Variants in AZIN1 observed in about 807,000 individuals in gnomAD.
AZIN1 encodes ornithine decarboxylase antizyme inhibitor.
Under a neutral mutation model 47.4 loss-of-function variants are expected in AZIN1, and 12 were observed. The ratio of observed to expected loss-of-function variants is 0.25; its 90% CI spans 0.16 to 0.41. AZIN1 has a LOEUF of 0.41. Ranked by LOEUF, AZIN1 falls within the 10% of genes least tolerant of loss-of-function variation. The probability of loss-of-function intolerance (pLI) is 1.00; values close to 1 mark genes in which losing one functional copy is unlikely to be tolerated. For missense variants in AZIN1, 410 were observed against 532.4 expected, an observed-to-expected ratio of 0.77 and a Z score of 2.26; for synonymous variants, 155 against 176.3, an observed-to-expected ratio of 0.88 and a Z score of 0.96.
intron 9 of AZIN1, 22 bp from the exon 10 acceptor site, chr8:102,829,958 G>A: frequency 6.9e-7 from 1 of 1,453,416 alleles, no homozygotes; most frequent in Non-Finnish European, 9.5e-7. Context: ...CAGGAAAGGG[G>A]AAAATGAATT....
Position 102,830,548 on chromosome 8 carries a change from C to G in AZIN1, c.905-612G>C, listed in dbSNP as rs998799576. Among the ~76,000 whole-genome samples, 9 of 148,950 alleles carry G rather than the reference C, an allele frequency of 6.0e-5. 1 individual carries two copies. The highest frequency in any genetic ancestry group is 1.0e-4 in the Non-Finnish European group (7 of 67,584). On this transcript the variant is annotated intron_variant, in intron 9 of 11. Coordinates refer to ENST00000337198, the MANE Select transcript of AZIN1 (RefSeq NM_148174.4). ...CAGCAAGGGGAAGGCAATATATGCACAAGGAGTTAAATATGTGTTTGAATG... is the reference window on the plus strand; with the variant it reads ...CAGCAAGGGGAAGGCAATATATGCAGAAGGAGTTAAATATGTGTTTGAATG...
rs764483089 is a variant in AZIN1, at chr8:102,838,762, C to T, written c.431G>A (p.Arg144His). The stretch of plus-strand genomic sequence containing the variant: ...TACTTACTTGGCATTTGGGTGATTA[C>T]GTGCAATTTTCTTCAATTCAATTTC... ...DNEIELKKIA[R>H]NHPNAKVLLH... The change falls in exon 5 of 12, where the codon CGT (arginine) becomes CAT (histidine). Residue 144 changes from arginine (R) to histidine (H), a missense_variant. Around this residue, in one of 3 missense-constraint regions of AZIN1, gnomAD observed 237 missense variants for 309.4 expected, o/e 0.77. Coordinates refer to ENST00000337198, the MANE Select transcript of AZIN1 (RefSeq NM_148174.4). 6.2e-6 allele frequency: 10 copies of T among 1,612,038 alleles called. No homozygotes were observed. The highest frequency in any genetic ancestry group is 1.1e-5 in the South Asian group (1 of 90,538).
At chr8:102,839,414 A>G (rs1812031870) in intron 4 of AZIN1, among the ~76,000 whole-genome samples, 1 of 152,232 alleles carries the variant, frequency 6.6e-6, no homozygotes, top group Non-Finnish European at 1.5e-5. Context: ...GGAACAAATT[A>G]AAGTTTTCAA....
Position 102,827,865 on chromosome 8 carries a change from T to C in AZIN1, c.*702A>G, listed in dbSNP as rs1461274870. Reference sequence around the variant, plus strand: ...TTACTTAAATTACTAATTAAATAAATGAAAAATGCACCGAGCCAAACAAAA... The same window carrying C: ...TTACTTAAATTACTAATTAAATAAACGAAAAATGCACCGAGCCAAACAAAA... On this transcript the variant is annotated 3_prime_UTR_variant, in exon 12 of 12. Transcript: ENST00000337198. The C allele has an allele frequency of 6.6e-6, 1 of 152,426 alleles. No individual in the cohort carries two copies. Among genetic ancestry groups the C allele is most frequent in the Non-Finnish European group, 1.5e-5 (1 of 67,980 alleles). 9.4% of individuals were successfully genotyped at this position (152,426 alleles called of 1,614,324 possible).
intron 7 of AZIN1, 99 bp from the exon 8 acceptor site, chr8:102,834,362 A>G: frequency 1.1e-6 from 1 of 940,164 alleles, no homozygotes; most frequent in African/African-American, 1.7e-5. Context: ...ATCTGTTCTG[A>G]TCTTTAGTAC....
chr8:102,856,807 C>T (rs1387976745), intron 2 of AZIN1, among the ~76,000 whole-genome samples: 1 of 152,158 alleles, frequency 6.6e-6, no homozygotes, highest in Non-Finnish European at 1.5e-5. Context: ...AGTATTGAAA[C>T]AGCAATGACC....
At chr8:102,847,858 G>A (rs1677593904) in intron 2 of AZIN1, among the ~76,000 whole-genome samples, 2 of 152,124 alleles carry the variant, frequency 1.3e-5, no homozygotes, top group Non-Finnish European at 2.9e-5. Flanking sequence ...GCCTCCCAAA[G>A]TGTTGCAATT....
intron 8 of AZIN1, among the ~76,000 whole-genome samples, chr8:102,833,472 GT>G (rs3214632): frequency 4.1e-4 from 61 of 150,270 alleles, no homozygotes; most frequent in Non-Finnish European, 7.5e-4. Context: ...ATTTGTTTTT[GT>G]TTTTTTTTAA....
At chr8:102,863,646 CGGG>C (rs1349036678) in intron 1 of AZIN1, among the ~76,000 whole-genome samples, 158 bp downstream of exon 1, 1 of 144,340 alleles carries the variant, frequency 6.9e-6, no homozygotes, top group Non-Finnish European at 1.5e-5. Flanking sequence ...CCGCCGCCGC[CGGG>C]GGCACAGACA....
intron 8 of AZIN1, among the ~76,000 whole-genome samples, chr8:102,833,737 A>G (rs2131203208): frequency 6.9e-6 from 1 of 144,028 alleles, no homozygotes; most frequent in Non-Finnish European, 1.5e-5. Flanking sequence ...CAGCCTGGGC[A>G]ATATAGAAAG....
rs543057797 is a variant in AZIN1 at position 102,836,048 on chromosome 8, G to A, written c.584+208C>T. On this transcript the variant is annotated intron_variant, in intron 6 of 11. Coordinates refer to ENST00000337198, the MANE Select transcript of AZIN1 (RefSeq NM_148174.4). ...CTATTCTTTTTATTGTGGGGAAGGA[G>A]GTACAGTCACAAAACAGTATGAAAA... is the stretch of plus-strand genomic sequence containing the variant. Among the ~76,000 whole-genome samples, 4 of 152,214 alleles carry A rather than the reference G, an allele frequency of 2.6e-5. No homozygotes were observed. In the East Asian group the frequency reaches 7.7e-4, roughly 29 times the overall value.
intron 11 of AZIN1, among the ~76,000 whole-genome samples, 199 bp from the exon 12 acceptor site, chr8:102,828,877 T>C (rs1811262067): frequency 6.6e-6 from 1 of 152,218 alleles, no homozygotes. Context: ...TACCGTAAAA[T>C]TACAGTGAAG....
At chr8:102,835,919 T>C (rs1811792203) in intron 6 of AZIN1, among the ~76,000 whole-genome samples, 1 of 152,210 alleles carries the variant, frequency 6.6e-6, no homozygotes, top group Non-Finnish European at 1.5e-5. Flanking sequence ...CAAAAAAGTC[T>C]GACACTTTTA....
At position 102,833,239 on chromosome 8, in the gene AZIN1, A is replaced by G. The variant is rs1333675012; in HGVS notation, c.742-21T>C. 4 of 1,599,066 alleles carry G rather than the reference A, an allele frequency of 2.5e-6. No homozygotes were observed. In the African/African-American group the frequency reaches 4.0e-5, roughly 16 times the overall value. On this transcript the variant is annotated intron_variant, in intron 8 of 11. Coordinates refer to ENST00000337198, the MANE Select transcript of AZIN1 (RefSeq NM_148174.4). ...TTAACCTATGGATTTTAAATGCCAC[A>G]GTATGGTTTCAATATTGGATTAGAT...
chr8:102,843,052 C>A (rs963793930), intron 3 of AZIN1, among the ~76,000 whole-genome samples: 2 of 151,624 alleles, frequency 1.3e-5, no homozygotes, highest in Non-Finnish European at 2.9e-5. Context: ...TACTAAAATA[C>A]AAAAATTAGC....
intron 5 of AZIN1, among the ~76,000 whole-genome samples, chr8:102,837,281 C>A (rs1438129525): frequency 6.6e-6 from 1 of 152,298 alleles, no homozygotes; most frequent in South Asian, 2.1e-4. Flanking sequence ...TCTACTGATT[C>A]AAATCTATTT....
At chr8:102,834,628 AAAT>A (rs774704018) in intron 7 of AZIN1, 35 bp downstream of exon 7, 2 of 1,491,004 alleles carry the variant, frequency 1.3e-6, no homozygotes, top group East Asian at 4.5e-5. Flanking sequence ...ATCCTGGCTA[AAAT>A]AAAATATCAA....
intron 3 of AZIN1, among the ~76,000 whole-genome samples, chr8:102,842,829 C>T (rs928817979): frequency 3.3e-5 from 5 of 151,770 alleles, no homozygotes; most frequent in African/African-American, 7.3e-5. Flanking sequence ...ATTGCTTGAA[C>T]GCAGGAGGCA....
chr8:102,826,683 G>C lies in AZIN1; in HGVS notation c.*1884C>G, dbSNP rs1458716709. ...GCTCTCCTGCAGATATGGCAAAGTT[G>C]ATATGCCATGAAGTTCAAGGCCTGT... On this transcript the variant is annotated 3_prime_UTR_variant, in exon 12 of 12. Transcript: ENST00000337198. The C allele has an allele frequency of 1.3e-5, 2 of 152,716 alleles. No homozygotes were observed. The highest frequency in any genetic ancestry group is 6.5e-5 in the Admixed American group (1 of 15,302). The allele number at this position is 152,716 out of a possible 1,614,324, so 9.5% of individuals were successfully genotyped here.
Sources: gnomAD v4.1 joint callset for allele counts (sites outside exome capture counted in the v4.1 genomes callset) on GRCh38, gnomAD v4.1.1 for gene constraint, gnomAD v4.1.1 regional missense constraint, MANE v1.5 for transcripts, NCBI Gene and HGNC (gene_info 2026-07-23, HGNC 2026-07-21) for gene names.